The following TMEM218 variants were observed in gnomAD, a reference collection of about 807,000 sequenced individuals.
TMEM218 encodes transmembrane protein 218.
TMEM218 carries 8 observed loss-of-function variants against 10.0 expected under a neutral mutation model. The observed-to-expected ratio is 0.80, with a 90% CI of 0.47 to 1.44. The LOEUF (loss-of-function observed/expected upper bound fraction) is 1.44. TMEM218 is among the 40% of genes most tolerant of loss of function. The pLI is 0.00. For missense variants in TMEM218, 110 were observed against 140.1 expected (o/e 0.79, Z 1.08); for synonymous variants, 66 against 63.5 (o/e 1.04, Z -0.18).
At chr11:125,101,737 CA>C in intron 3 of TMEM218, 1 of 504,378 alleles carries the variant, frequency 2.0e-6, no homozygotes, top group Non-Finnish European at 3.4e-6. Flanking sequence ...GTTCTGAAGG[CA>C]ATGCCTGATA....
rs1278261649 is a variant in TMEM218 at position 125,108,613 on chromosome 11, T to C, written c.-153+2926A>G. Among the ~76,000 whole-genome samples, 2 of 152,220 alleles carry C rather than the reference T, an allele frequency of 1.3e-5. No homozygotes were observed. Among genetic ancestry groups the C allele is most frequent in the South Asian group, 2.1e-4 (1 of 4,830 alleles). ...CCACGAGCTGTGCTGCCTTCAGTTA[T>C]GTGATTTGCTAGAGTGATGAACAAC... On this transcript the variant is annotated intron_variant, in intron 1 of 4. Coordinates refer to ENST00000682305, the MANE Select transcript of TMEM218 (RefSeq NM_001258244.2). The surrounding 1 kb of genome is among the most constrained non-coding windows in gnomAD (Gnocchi z 5.3).
At position 125,094,796 on chromosome 11, in the gene TMEM218, T is replaced by G. The variant is rs1001668529; in HGVS notation, c.*2810A>C. Among the ~76,000 whole-genome samples the G allele has an allele frequency of 1.3e-5, 2 of 152,156 alleles. No homozygotes were observed. On this transcript the variant is annotated 3_prime_UTR_variant, in exon 5 of 5. Coordinates refer to ENST00000682305, the MANE Select transcript of TMEM218 (RefSeq NM_001258244.2). ...TAGAATAAAAACATTTAAAAATAAA[T>G]TGGATGCCCTCCTTCCAGGAAGCAG...
At position 125,102,357 on chromosome 11, in the gene TMEM218, C is replaced by A. The variant is rs1223785391; in HGVS notation, c.-76-40G>T. 5.2e-6 allele frequency: 8 copies of A among 1,535,348 alleles called. No homozygotes were observed. The Admixed American group carries it at 6.1e-5, about 12-fold the overall frequency. On this transcript the variant is annotated intron_variant, in intron 2 of 4. Coordinates refer to ENST00000682305, the MANE Select transcript of TMEM218 (RefSeq NM_001258244.2). ...TTCAGACAAATACAGAAAGCCTAAA[C>A]TCATTACAGGTTATTTTTTGATGAT...
rs1397015567 is a variant in TMEM218, at chr11:125,094,885, G to A, written c.*2721C>T. Among the ~76,000 whole-genome samples, 1 of 152,204 alleles carries A rather than the reference G, an allele frequency of 6.6e-6. No individual in the cohort carries two copies. The highest frequency in any genetic ancestry group is 2.4e-5 in the African/African-American group (1 of 41,452). ...CCATGGGCTTACTCCACCAGGACTA[G>A]TGCTTTACACCCTACGGGCACACAA... On this transcript the variant is annotated 3_prime_UTR_variant, in exon 5 of 5. Transcript: ENST00000682305.
Position 125,101,279 on chromosome 11 carries a change from G to A in TMEM218, c.135C>T (p.Phe45=), listed in dbSNP as rs552099293. The part of the protein sequence containing the change: ...AARFSVIFLF[F]GAVIITSVLL... ...GAACTGATGTGATGATCACAGCACC[G>A]AAGAATAAAAAAATGACAGAGAACC... The change falls in exon 4 of 5, where the codon TTC becomes TTT. Residue 45 remains phenylalanine (F), a synonymous_variant. Transcript: ENST00000682305. 9.3e-6 allele frequency: 15 copies of A among 1,612,336 alleles called. No individual in the cohort carries two copies. The highest frequency in any genetic ancestry group is 1.7e-4 in the Middle Eastern group (1 of 6,056).
At chr11:125,101,354 T>C (rs757386185) in intron 3 of TMEM218, 51 bp from the exon 4 acceptor site, 12 of 1,571,762 alleles carry the variant, frequency 7.6e-6, no homozygotes, top group Non-Finnish European at 2.6e-6. Flanking sequence ...ATTTCTTCTT[T>C]GATCAGTTAG....
chr11:125,100,713 A>G (rs907508006), intron 4 of TMEM218, among the ~76,000 whole-genome samples: 3 of 152,194 alleles, frequency 2.0e-5, no homozygotes, highest in African/African-American at 7.2e-5. Flanking sequence ...AAGAACTCCC[A>G]GAAGACTGTT....
At chr11:125,099,623 C>G (rs943459651) in intron 4 of TMEM218, among the ~76,000 whole-genome samples, 2 of 152,164 alleles carry the variant, frequency 1.3e-5, no homozygotes, top group Non-Finnish European at 2.9e-5. Context: ...CACTCTCCCC[C>G]TTAAAAGACA....
chr11:125,107,422 C>T (rs79549748), intron 1 of TMEM218, among the ~76,000 whole-genome samples: 318 of 152,044 alleles, frequency 2.1e-3, no homozygotes, highest in African/African-American at 4.7e-3. Flanking sequence ...CTGATTCGAA[C>T]GAAGCATTGC....
At chr11:125,098,872 C>T (rs969885766) in intron 4 of TMEM218, among the ~76,000 whole-genome samples, 29 of 152,064 alleles carry the variant, frequency 1.9e-4, no homozygotes, top group Non-Finnish European at 2.9e-5. Flanking sequence ...ATGTCACTGG[C>T]TCTGAAGATG....
In TMEM218 at chr11:125,096,606, T is replaced by C. The variant is rs1237614602; in HGVS notation, c.*1000A>G. 2.0e-5 allele frequency: 3 copies of C among 152,202 alleles called. No homozygotes were observed. Among genetic ancestry groups the C allele is most frequent in the Admixed American group, 6.5e-5 (1 of 15,268 alleles). The allele number at this position is 152,202 out of a possible 1,614,324, so 9.4% of individuals were successfully genotyped here. On this transcript the variant is annotated 3_prime_UTR_variant, in exon 5 of 5. Transcript: ENST00000682305. ...CATAGAGCACATACTCCATCAGTGATCTCTTTCCAACTTGTTTTCTTGGTT... is the reference window on the plus strand; with the variant it reads ...CATAGAGCACATACTCCATCAGTGACCTCTTTCCAACTTGTTTTCTTGGTT...
At chr11:125,104,522 A>G (rs1951670986) in intron 1 of TMEM218, 1 of 152,240 alleles carries the variant, frequency 6.6e-6, no homozygotes, top group Non-Finnish European at 1.5e-5. Context: ...CATTTTTCAC[A>G]AAACTAGTTA....
Position 125,102,230 on chromosome 11 carries a change from A to C in TMEM218, c.12T>G (p.Thr4=), listed in dbSNP as rs777296454. 18 of 1,612,760 alleles carry C rather than the reference A, an allele frequency of 1.1e-5. No homozygotes were observed. The East Asian group carries it at 4.0e-4, about 36-fold the overall frequency. MAG[T]VLGVGAGVFI... is the part of the protein sequence containing the mutation. ...ACACGCCCGCACCGACTCCGAGCAC[A>C]GTGCCAGCCATCCCGCGGGGAGGCA... The change falls in exon 3 of 5, where the codon ACT becomes ACG. Residue 4 remains threonine (T), a synonymous_variant. Coordinates refer to ENST00000682305, the MANE Select transcript of TMEM218 (RefSeq NM_001258244.2).
intron 1 of TMEM218, chr11:125,110,482 T>C (rs1953550138): frequency 6.6e-6 from 1 of 152,248 alleles, no homozygotes; most frequent in Non-Finnish European, 1.5e-5. Flanking sequence ...AATGGTTGTT[T>C]CTACATACCC....
Position 125,102,756 on chromosome 11 carries a change from A to G in TMEM218, c.-99T>C, listed in dbSNP as rs894947196. The stretch of plus-strand genomic sequence containing the variant: ...CACCAGGCAATGGATCACAAGACAG[A>G]AAGTTCCCACTCTGTTGTCGAGTTC... On this transcript the variant is annotated 5_prime_UTR_variant, in exon 2 of 5. Transcript: ENST00000682305. 1 of 1,270,758 alleles carries G rather than the reference A, an allele frequency of 7.9e-7. No homozygotes were observed. Among genetic ancestry groups the G allele is most frequent in the Non-Finnish European group, 1.0e-6 (1 of 974,698 alleles). 78.7% of individuals were successfully genotyped at this position (1,270,758 alleles called of 1,614,324 possible). A position where few individuals can be genotyped will look rare whatever the true frequency, so the allele number is the denominator to read the frequency against.
Position 125,096,458 on chromosome 11 carries a change from G to C in TMEM218, c.*1148C>G, listed in dbSNP as rs567196822. On this transcript the variant is annotated 3_prime_UTR_variant, in exon 5 of 5. Transcript: ENST00000682305. ...TTTGCACACTGGCTGTTAGGTGAAGGTTGGGCAAGTCAGCTGATCTCTTTA... is the reference window on the plus strand; with the variant it reads ...TTTGCACACTGGCTGTTAGGTGAAGCTTGGGCAAGTCAGCTGATCTCTTTA... 6.6e-6 allele frequency: 1 copy of C among 152,122 alleles called. No individual in the cohort carries two copies. Among genetic ancestry groups the C allele is most frequent in the Non-Finnish European group, 1.5e-5 (1 of 68,016 alleles). 9.4% of individuals were successfully genotyped at this position (152,122 alleles called of 1,614,324 possible). A position where few individuals can be genotyped will look rare whatever the true frequency, so the allele number is the denominator to read the frequency against.
At chr11:125,102,585 T>G in intron 2 of TMEM218, 149 bp downstream of exon 2, 2 of 1,329,380 alleles carry the variant, frequency 1.5e-6, no homozygotes, top group African/African-American at 3.0e-5. Context: ...CTTTGACCTC[T>G]TCCCCCAGCC....
At chr11:125,102,622 A>C (rs2155664) in intron 2 of TMEM218, 112 bp downstream of exon 2, 2 of 1,302,136 alleles carry the variant, frequency 1.5e-6, no homozygotes, top group Non-Finnish European at 2.0e-6. Context: ...ACCCTCTCTG[A>C]ATATAAAACC....
In TMEM218 at chr11:125,101,271, A is replaced by G; in HGVS notation, c.143T>C (p.Val48Ala). Reference sequence around the variant, plus strand: ...AAGCAACAGAACTGATGTGATGATCACAGCACCGAAGAATAAAAAAATGAC... The same window carrying G: ...AAGCAACAGAACTGATGTGATGATCGCAGCACCGAAGAATAAAAAAATGAC... The part of the protein sequence containing the change: ...FSVIFLFFGA[V>A]IITSVLLLFP... Residue 48 changes from valine to alanine, a missense_variant, in exon 4 of 5, where the codon GTG (valine) becomes GCG (alanine). Val to Ala is a moderately conservative substitution (Grantham distance 64). Coordinates refer to ENST00000682305, the MANE Select transcript of TMEM218 (RefSeq NM_001258244.2). 1.9e-6 allele frequency: 3 copies of G among 1,613,488 alleles called. No individual in the cohort carries two copies. The Admixed American group carries it at 5.0e-5, about 27-fold the overall frequency.
Sources: allele counts gnomAD v4.1 joint callset (sites outside exome capture counted in the v4.1 genomes callset), GRCh38; gene constraint gnomAD v4.1.1; non-coding constraint Gnocchi (gnomAD v3.1); transcripts MANE v1.5; gene names NCBI Gene and HGNC (gene_info 2026-07-23, HGNC 2026-07-21).